LGSN: variants seen among roughly 807,000 people sequenced by gnomAD.
The protein encoded by LGSN is lengsin, lens protein with glutamine synthetase domain, also known as lengsin.
In LGSN, 21 loss-of-function variants were observed where a neutral mutation model predicts 19.5. The ratio of observed to expected loss-of-function variants is 1.07; its 90% CI spans 0.76 to 1.55. The LOEUF (loss-of-function observed/expected upper bound fraction) is 1.55, where lower values mean the gene tolerates loss of function less well. LGSN is among the 40% of genes most tolerant of loss of function. The probability of loss-of-function intolerance (pLI) is 0.00; values close to 1 mark genes in which losing one functional copy is unlikely to be tolerated. For missense variants in LGSN, 673 were observed against 608.5 expected (o/e 1.11, Z -1.12); for synonymous variants, 257 against 215.6 (o/e 1.19, Z -1.68).
At chr6:63,310,204 T>C (rs1351189945) in intron 1 of LGSN, among the ~76,000 whole-genome samples, 1 of 152,360 alleles carries the variant, frequency 6.6e-6, no homozygotes, top group Admixed American at 6.5e-5. Flanking sequence ...CCTACTTTTC[T>C]GGCCACAACC....
intron 1 of LGSN, among the ~76,000 whole-genome samples, chr6:63,316,257 C>G (rs551558206): frequency 1.3e-5 from 2 of 152,066 alleles, no homozygotes; most frequent in African/African-American, 4.8e-5. Context: ...ACTGAGAGCT[C>G]TGTGTGAAAG....
At chr6:63,442,580 G>C in the LGSN span, among the ~76,000 whole-genome samples, 6 of 152,008 alleles carry the variant, frequency 3.9e-5, no homozygotes, top group Non-Finnish European at 7.4e-5. Context: ...AGCACTGATT[G>C]GTGTGTTTAC....
chr6:63,369,016 T>A, the LGSN span, among the ~76,000 whole-genome samples: 2 of 152,238 alleles, frequency 1.3e-5, no homozygotes, highest in Non-Finnish European at 1.5e-5. Flanking sequence ...GTGCTGCTCA[T>A]ATTTGTCTCT....
chr6:63,333,013 T>A, the LGSN span, among the ~76,000 whole-genome samples: 1 of 152,008 alleles, frequency 6.6e-6, no homozygotes, highest in African/African-American at 2.4e-5. Context: ...GCTTCAGACC[T>A]TCACGGTGAG....
At chr6:63,302,333 A>G (rs2127391414) in intron 1 of LGSN, among the ~76,000 whole-genome samples, 2 of 152,356 alleles carry the variant, frequency 1.3e-5, no homozygotes, top group South Asian at 4.1e-4. Flanking sequence ...TCTTATTCAC[A>G]GTTTATTAAT....
At chr6:63,459,181 T>G in the LGSN span, among the ~76,000 whole-genome samples, 1 of 152,204 alleles carries the variant, frequency 6.6e-6, no homozygotes, top group South Asian at 2.1e-4. Flanking sequence ...TGGCCTAAAA[T>G]GGAAGTCAGA....
the LGSN span, among the ~76,000 whole-genome samples, chr6:63,359,785 T>C: frequency 2.0e-5 from 3 of 152,212 alleles, no homozygotes; most frequent in Admixed American, 6.5e-5. Flanking sequence ...AAAAACCCAG[T>C]TCCTGGATTC....
At chr6:63,444,714 C>T in the LGSN span, among the ~76,000 whole-genome samples, 1 of 152,156 alleles carries the variant, frequency 6.6e-6, no homozygotes, top group African/African-American at 2.4e-5. Context: ...TCCTGTCTGA[C>T]CCCTTCTTTT....
intron 1 of LGSN, among the ~76,000 whole-genome samples, chr6:63,311,844 T>C (rs1482601844): frequency 6.6e-6 from 1 of 152,202 alleles, no homozygotes; most frequent in Non-Finnish European, 1.5e-5. Flanking sequence ...TTGAAACTAC[T>C]CTTCTTTCTA....
the LGSN span, among the ~76,000 whole-genome samples, chr6:63,432,075 G>A: frequency 2.6e-5 from 3 of 113,246 alleles, no homozygotes; most frequent in Non-Finnish European, 3.5e-5. Flanking sequence ...ACTCCATCTC[G>A]AAAGAAAAAG....
the LGSN span, among the ~76,000 whole-genome samples, chr6:63,434,618 AAAAAAAG>A: frequency 1.3e-5 from 2 of 150,922 alleles, no homozygotes; most frequent in African/African-American, 4.8e-5. Flanking sequence ...AAAAAAAAAA[AAAAAAAG>A]AAAGAAAGAA....
upstream of LGSN, among the ~76,000 whole-genome samples, chr6:63,321,599 C>G (rs1037771602): frequency 6.6e-6 from 1 of 151,932 alleles, no homozygotes; most frequent in African/African-American, 2.4e-5. Context: ...CTTGATTTGC[C>G]CATTTTTGTA....
chr6:63,372,593 T>C, the LGSN span, among the ~76,000 whole-genome samples: 3 of 152,216 alleles, frequency 2.0e-5, no homozygotes, highest in East Asian at 5.8e-4. Flanking sequence ...ATGCTGATGA[T>C]ACATTGTAAA....
chr6:63,288,972 A>G (rs1469312816), intron 2 of LGSN, among the ~76,000 whole-genome samples: 3 of 152,228 alleles, frequency 2.0e-5, no homozygotes, highest in Non-Finnish European at 2.9e-5. Context: ...ACCATTCAAC[A>G]CATAACAGTG....
At chr6:63,510,434 T>C in the LGSN span, among the ~76,000 whole-genome samples, 1 of 150,604 alleles carries the variant, frequency 6.6e-6, no homozygotes, top group African/African-American at 2.4e-5. Flanking sequence ...TTAATCTTTC[T>C]ATGGTTTGAC....
upstream of LGSN, among the ~76,000 whole-genome samples, chr6:63,321,521 A>G (rs1398017523): frequency 6.6e-6 from 1 of 152,102 alleles, no homozygotes; most frequent in Non-Finnish European, 1.5e-5. Context: ...TCTTTTCCTT[A>G]CCTTATTTTG....
the LGSN span, among the ~76,000 whole-genome samples, chr6:63,348,894 A>C: frequency 6.6e-6 from 1 of 152,008 alleles, no homozygotes; most frequent in Non-Finnish European, 1.5e-5. Context: ...CCTGGCCAGA[A>C]GTATAGATTT....
At chr6:63,552,630 A>G in the LGSN span, among the ~76,000 whole-genome samples, 1 of 152,144 alleles carries the variant, frequency 6.6e-6, no homozygotes, top group African/African-American at 2.4e-5. Flanking sequence ...CCTGAATGGT[A>G]TTGCCTAGGT....
chr6:63,298,039 C>A (rs1768047292), intron 1 of LGSN, among the ~76,000 whole-genome samples: 2 of 152,198 alleles, frequency 1.3e-5, no homozygotes, highest in South Asian at 4.1e-4. Flanking sequence ...TGAACATATT[C>A]TTGTTCTGAG....
Sources: gnomAD v4.1 joint callset for allele counts (sites outside exome capture counted in the v4.1 genomes callset) on GRCh38, gnomAD v4.1.1 for gene constraint, MANE v1.5 for transcripts, NCBI Gene and HGNC (gene_info 2026-07-23, HGNC 2026-07-21) for gene names.